FGF12: variants seen among roughly 807,000 people sequenced by gnomAD.
FGF12 encodes fibroblast growth factor 12.
In FGF12, 14 loss-of-function variants were observed where a neutral mutation model predicts 23.6. The observed-to-expected ratio is 0.59, with a 90% CI of 0.39 to 0.93. The LOEUF (loss-of-function observed/expected upper bound fraction) is 0.93. Among genes scored for constraint, FGF12 ranks in the 40% least tolerant of loss-of-function variants. The probability of loss-of-function intolerance (pLI) is 0.00; values close to 1 mark genes in which losing one functional copy is unlikely to be tolerated. For synonymous variants in FGF12, 62 were observed against 77.3 expected, an observed-to-expected ratio of 0.80 and a Z score of 1.04; for missense variants, 175 against 217.8, an observed-to-expected ratio of 0.80 and a Z score of 1.24.
intron 2 of FGF12, among the ~76,000 whole-genome samples, chr3:192,434,415 T>C (rs1217443772): frequency 6.6e-6 from 1 of 152,206 alleles, no homozygotes; most frequent in African/African-American, 2.4e-5. Flanking sequence ...ACAGGTAAAG[T>C]TGAACTCAGG....
chr3:192,295,268 C>G (rs988523497), intron 4 of FGF12, among the ~76,000 whole-genome samples: 1 of 152,148 alleles, frequency 6.6e-6, no homozygotes, highest in Admixed American at 6.5e-5. Context: ...TTTCCGCACT[C>G]CCAGTTCACT....
At chr3:192,200,649 C>G (rs1422483695) in intron 4 of FGF12, among the ~76,000 whole-genome samples, 3 of 152,152 alleles carry the variant, frequency 2.0e-5, no homozygotes, top group African/African-American at 4.8e-5. Context: ...CTTGGTAAGA[C>G]AGACCAAACT....
At position 192,644,553 on chromosome 3, in the gene FGF12, C is replaced by T. The variant is rs191316017; in HGVS notation, c.13+82628G>A. 1.1e-4 allele frequency among the ~76,000 whole-genome samples: 17 copies of T among 152,180 alleles called. No homozygotes were observed. The East Asian group carries it at 3.3e-3, about 29-fold the overall frequency. ...ACCAAATGTCAGTTGCTGTCTCACA[C>T]CTAGGACACTGTTGTTACTTCTATT... On this transcript the variant is annotated intron_variant, in intron 2 of 5. Coordinates refer to ENST00000445105, the MANE Select transcript of FGF12 (RefSeq NM_004113.6).
At chr3:192,227,174 C>T (rs1436295560) in intron 4 of FGF12, among the ~76,000 whole-genome samples, 3 of 152,110 alleles carry the variant, frequency 2.0e-5, no homozygotes, top group Non-Finnish European at 4.4e-5. Context: ...TAAACACATA[C>T]ATATACAATA....
At chr3:192,573,671 G>A (rs1398955563) in intron 2 of FGF12, among the ~76,000 whole-genome samples, 1 of 152,060 alleles carries the variant, frequency 6.6e-6, no homozygotes, top group Non-Finnish European at 1.5e-5. Context: ...TCTCCTATTG[G>A]TTCCAATTCT....
rs1713506780 is a variant in FGF12 at position 192,143,247 on chromosome 3, A to G, written c.*762T>C. ...AAAAAAAAAAAAAAAAGAAAGAAAGAAGAACTCCGGAAATAATATCTTTGA... is the reference window on the plus strand; with the variant it reads ...AAAAAAAAAAAAAAAAGAAAGAAAGGAGAACTCCGGAAATAATATCTTTGA... On this transcript the variant is annotated 3_prime_UTR_variant, in exon 6 of 6. Coordinates refer to ENST00000445105, the MANE Select transcript of FGF12 (RefSeq NM_004113.6). 6.7e-6 allele frequency: 1 copy of G among 149,590 alleles called. No homozygotes were observed. Among genetic ancestry groups the G allele is most frequent in the Non-Finnish European group, 1.5e-5 (1 of 67,876 alleles). The allele number at this position is 149,590 out of a possible 1,614,324, so 9.3% of individuals were successfully genotyped here.
chr3:192,173,492 G>A (rs905596861), intron 4 of FGF12, among the ~76,000 whole-genome samples: 4 of 139,282 alleles, frequency 2.9e-5, no homozygotes, highest in African/African-American at 5.0e-5. Context: ...AAGTAACTCA[G>A]ATTCAATATA....
intron 4 of FGF12, among the ~76,000 whole-genome samples, chr3:192,235,447 A>G (rs1719240173): frequency 6.6e-6 from 1 of 151,860 alleles, no homozygotes; most frequent in Non-Finnish European, 1.5e-5. Flanking sequence ...AGCTCTTTCC[A>G]TTTCTTTCAG....
At chr3:192,727,008 A>T (rs1719239554) in intron 2 of FGF12, 173 bp downstream of exon 2, 1 of 752,598 alleles carries the variant, frequency 1.3e-6, no homozygotes, top group Admixed American at 2.3e-5. Context: ...GTGGGAGTTA[A>T]AAAGAAGTCG....
chr3:192,155,826 C>T (rs936138426), intron 5 of FGF12, among the ~76,000 whole-genome samples: 6 of 152,194 alleles, frequency 3.9e-5, no homozygotes, highest in Admixed American at 6.5e-5. Flanking sequence ...ATGAATTCTA[C>T]AACTCTTAAA....
chr3:192,326,067 A>G (rs1250548780), intron 4 of FGF12, among the ~76,000 whole-genome samples: 1 of 152,188 alleles, frequency 6.6e-6, no homozygotes, highest in Non-Finnish European at 1.5e-5. Context: ...AACCGATTCA[A>G]CTAGACTTCA....
At chr3:192,220,357 T>C (rs551471603) in intron 4 of FGF12, among the ~76,000 whole-genome samples, 2 of 152,292 alleles carry the variant, frequency 1.3e-5, no homozygotes, top group South Asian at 4.1e-4. Flanking sequence ...AATAATTTAC[T>C]ATTGCCTAAA....
At chr3:192,293,963 C>T (rs1003345239) in intron 4 of FGF12, among the ~76,000 whole-genome samples, 18 of 152,122 alleles carry the variant, frequency 1.2e-4, no homozygotes, top group Non-Finnish European at 2.2e-4. Flanking sequence ...GAATTGTACT[C>T]CCATTATTCA....
chr3:192,570,140 A>C (rs1367737234), intron 2 of FGF12, among the ~76,000 whole-genome samples: 1 of 152,202 alleles, frequency 6.6e-6, no homozygotes. Context: ...TCCAGGCTTG[A>C]GCAAGGAGGA....
chr3:192,583,313 C>T lies in FGF12; in HGVS notation c.13+143868G>A, dbSNP rs1294038788. On this transcript the variant is annotated intron_variant, in intron 2 of 5. Transcript: ENST00000445105. ...AGGATATCAGATGAGCGATGCGAATCGTTTAATGATATTATTGCACAAAAT... is the reference window on the plus strand; with the variant it reads ...AGGATATCAGATGAGCGATGCGAATTGTTTAATGATATTATTGCACAAAAT... Among the ~76,000 whole-genome samples, 9 of 152,108 alleles carry T rather than the reference C, an allele frequency of 5.9e-5. No individual in the cohort carries two copies. The South Asian group carries it at 1.7e-3, about 28-fold the overall frequency.
intron 2 of FGF12, among the ~76,000 whole-genome samples, chr3:192,674,917 C>T (rs964304742): frequency 6.6e-6 from 1 of 152,116 alleles, no homozygotes; most frequent in African/African-American, 2.4e-5. Flanking sequence ...TAGGCCAAAC[C>T]CTTTGCAAGA....
intron 2 of FGF12, among the ~76,000 whole-genome samples, chr3:192,569,322 CAT>C (rs1254292639): frequency 1.3e-5 from 2 of 152,230 alleles, no homozygotes; most frequent in Admixed American, 6.5e-5. Context: ...CTCATCCACA[CAT>C]AGTCTGCTGT....
At chr3:192,579,628 A>T (rs781421) in intron 2 of FGF12, among the ~76,000 whole-genome samples, 41,081 of 152,062 alleles carry the variant, frequency 0.27, 5,758 homozygotes, top group East Asian at 0.34. Flanking sequence ...ATCTTGGCTC[A>T]CTGCAACCAC....
chr3:192,172,276 C>T (rs1715610563), intron 4 of FGF12, among the ~76,000 whole-genome samples: 1 of 146,130 alleles, frequency 6.8e-6, no homozygotes, highest in South Asian at 2.2e-4. Context: ...GTATTTCCAG[C>T]TACTCGGGAG....
Sources: gnomAD v4.1 joint callset for allele counts (sites outside exome capture counted in the v4.1 genomes callset) on GRCh38, gnomAD v4.1.1 for gene constraint, MANE v1.5 for transcripts, NCBI Gene and HGNC (gene_info 2026-07-23, HGNC 2026-07-21) for gene names.